GRID2: variants seen among roughly 807,000 people sequenced by gnomAD.
The protein encoded by GRID2 is glutamate receptor ionotropic, delta-2.
A neutral mutation model predicts 114.8 loss-of-function variants in GRID2; 33 were observed. The observed-to-expected ratio is 0.29, with a 90% confidence interval of 0.22 to 0.38. The LOEUF (loss-of-function observed/expected upper bound fraction) is 0.38, where lower values mean the gene tolerates loss of function less well. Ranked by LOEUF, GRID2 falls within the 10% of genes least tolerant of loss-of-function variation. The probability of loss-of-function intolerance (pLI) is 1.00; values close to 1 mark genes in which losing one functional copy is unlikely to be tolerated. For synonymous variants in GRID2, 505 were observed against 449.9 expected, an observed-to-expected ratio of 1.12 and a Z score of -1.55; for missense variants, 1,184 against 1,257.7, an observed-to-expected ratio of 0.94 and a Z score of 0.89.
intron 2 of GRID2, among the ~76,000 whole-genome samples, chr4:92,942,826 T>TA (rs1355398508): frequency 6.6e-6 from 1 of 152,216 alleles, no homozygotes; most frequent in Admixed American, 6.5e-5. Flanking sequence ...CCTTCGCTTA[T>TA]GAAGCTTAGT....
intron 2 of GRID2, among the ~76,000 whole-genome samples, chr4:92,751,627 G>C (rs569833258): frequency 6.6e-6 from 1 of 152,272 alleles, no homozygotes; most frequent in South Asian, 2.1e-4. Context: ...ACTCAGTTTT[G>C]TGGCTTTTTT....
chr4:93,428,900 A>G (rs1769129156), intron 10 of GRID2, among the ~76,000 whole-genome samples: 1 of 152,218 alleles, frequency 6.6e-6, no homozygotes, highest in African/African-American at 2.4e-5. Context: ...GTTGATCACA[A>G]AGGCGCTAGA....
intron 8 of GRID2, among the ~76,000 whole-genome samples, chr4:93,344,421 T>A (rs535365658): frequency 6.6e-6 from 1 of 151,366 alleles, no homozygotes; most frequent in East Asian, 1.9e-4. Flanking sequence ...TTTTCTTTTT[T>A]CCCCCCTCAG....
chr4:92,859,804 G>T (rs867713252), intron 2 of GRID2, among the ~76,000 whole-genome samples: 10 of 152,118 alleles, frequency 6.6e-5, no homozygotes, highest in Admixed American at 2.0e-4. Context: ...GCAGCAACTT[G>T]CCTACCTAGA....
rs187412970 is a variant in GRID2, at chr4:93,463,816, T to C, written c.1858+7842T>C. On this transcript the variant is annotated intron_variant, in intron 11 of 15. Transcript: ENST00000282020. The stretch of plus-strand genomic sequence containing the variant: ...CATCCTGGCTAACATGGTGAAACCC[T>C]GTCTCTACTAAAAATACAAAAAATT... Among the ~76,000 whole-genome samples, 725 of 152,050 alleles carry C rather than the reference T, an allele frequency of 4.8e-3. 10 individuals are homozygous for C. The highest frequency in any genetic ancestry group is 0.035 in the East Asian group (180 of 5,130).
intron 1 of GRID2, among the ~76,000 whole-genome samples, chr4:93,784,538 A>T (rs1261266481): frequency 6.6e-6 from 1 of 152,106 alleles, no homozygotes; most frequent in Non-Finnish European, 1.5e-5. Flanking sequence ...AGAGAATAAG[A>T]CTTTTGGCTT....
chr4:92,718,647 T>G (rs1735660692), intron 2 of GRID2, among the ~76,000 whole-genome samples: 1 of 147,982 alleles, frequency 6.8e-6, no homozygotes, highest in African/African-American at 2.5e-5. Context: ...CCTGTAGCCA[T>G]AGATGATCAG....
intron 1 of GRID2, among the ~76,000 whole-genome samples, chr4:93,794,661 G>A (rs574094163): frequency 6.6e-6 from 1 of 152,144 alleles, no homozygotes; most frequent in Non-Finnish European, 1.5e-5. Flanking sequence ...ACTTTGGCAG[G>A]GTTTGCCAAC....
At chr4:93,753,695 G>A (rs1457675479) in intron 14 of GRID2, among the ~76,000 whole-genome samples, 1 of 152,164 alleles carries the variant, frequency 6.6e-6, no homozygotes, top group Non-Finnish European at 1.5e-5. Context: ...TGGCTGCATA[G>A]TATTCCATGG....
chr4:93,277,068 T>G (rs1752133004), intron 8 of GRID2, among the ~76,000 whole-genome samples: 1 of 151,906 alleles, frequency 6.6e-6, no homozygotes, highest in African/African-American at 2.4e-5. Context: ...CATAAATGTT[T>G]ACATGTAGTG....
intron 1 of GRID2, among the ~76,000 whole-genome samples, chr4:92,422,123 C>G (rs1034770074): frequency 6.6e-6 from 1 of 151,910 alleles, no homozygotes; most frequent in Non-Finnish European, 1.5e-5. Flanking sequence ...GCAAATGAGC[C>G]TTAGAGACCT....
chr4:93,786,211 AAC>A (rs1347189500), intron 1 of GRID2, among the ~76,000 whole-genome samples: 1 of 152,154 alleles, frequency 6.6e-6, no homozygotes, highest in African/African-American at 2.4e-5. Context: ...CCCGGGTGAG[AAC>A]AGTGTTCAGA....
intron 1 of GRID2, among the ~76,000 whole-genome samples, chr4:92,469,161 G>A (rs1721899256): frequency 6.6e-6 from 1 of 152,046 alleles, no homozygotes; most frequent in East Asian, 1.9e-4. Context: ...ATCCCGTCAG[G>A]AAAACTCCTT....
At chr4:92,818,720 A>G (rs1438211450) in intron 2 of GRID2, among the ~76,000 whole-genome samples, 4 of 152,132 alleles carry the variant, frequency 2.6e-5, no homozygotes, top group African/African-American at 9.7e-5. Context: ...GTGCTCTTTC[A>G]TACTTCATGT....
At chr4:93,037,834 A>T (rs546862501) in intron 2 of GRID2, among the ~76,000 whole-genome samples, 1 of 152,230 alleles carries the variant, frequency 6.6e-6, no homozygotes, top group African/African-American at 2.4e-5. Context: ...TGTTTTTGTT[A>T]CTGTAGCCTT....
intron 2 of GRID2, among the ~76,000 whole-genome samples, chr4:93,078,163 G>GCA (rs1314304480): frequency 6.6e-6 from 1 of 151,966 alleles, no homozygotes; most frequent in African/African-American, 2.4e-5. Flanking sequence ...CAGGATCTTT[G>GCA]CACATTCTAT....
chr4:92,503,332 C>A (rs1246466086), intron 1 of GRID2, among the ~76,000 whole-genome samples: 1 of 151,978 alleles, frequency 6.6e-6, no homozygotes, highest in Non-Finnish European at 1.5e-5. Context: ...TTACTAAGCT[C>A]ATTTTAGAAT....
chr4:92,748,631 TGTATTA>T (rs1156657937), intron 2 of GRID2, among the ~76,000 whole-genome samples: 3 of 125,284 alleles, frequency 2.4e-5, no homozygotes, highest in African/African-American at 9.1e-5. Flanking sequence ...TTAATTAAAT[TGTATTA>T]TTATTATTAT....
chr4:93,024,566 A>T (rs1723704314), intron 2 of GRID2, among the ~76,000 whole-genome samples: 2 of 151,784 alleles, frequency 1.3e-5, no homozygotes, highest in East Asian at 3.8e-4. Flanking sequence ...GGTTTTAAAC[A>T]TTGCAAAACC....
Sources: gnomAD v4.1 joint callset for allele counts (sites outside exome capture counted in the v4.1 genomes callset) on GRCh38, gnomAD v4.1.1 for gene constraint, MANE v1.5 for transcripts, NCBI Gene and HGNC (gene_info 2026-07-23, HGNC 2026-07-21) for gene names.